Variants in MGAT4A observed in about 807,000 individuals in gnomAD.
MGAT4A encodes N-acetylglucosaminyltransferase IVa.
In MGAT4A, 33 loss-of-function variants were observed where a neutral mutation model predicts 74.1. That is an observed-to-expected ratio of 0.45 (90% CI 0.34 to 0.60). MGAT4A has a LOEUF of 0.60. Among genes scored for constraint, MGAT4A ranks in the 20% least tolerant of loss-of-function variants. MGAT4A has a pLI of 0.02. For synonymous variants in MGAT4A, 198 were observed against 210.4 expected (o/e 0.94, Z 0.51); for missense variants, 479 against 628.3 (o/e 0.76, Z 2.54).
chr2:98,634,681 A>G (rs1179222860), intron 14 of MGAT4A, among the ~76,000 whole-genome samples: 2 of 150,122 alleles, frequency 1.3e-5, no homozygotes, highest in Non-Finnish European at 3.0e-5. Flanking sequence ...GATTTGTGCT[A>G]ATGGACAGCA....
chr2:98,713,435 G>A (rs1325980338), intron 2 of MGAT4A, among the ~76,000 whole-genome samples: 5 of 150,178 alleles, frequency 3.3e-5, no homozygotes, highest in Non-Finnish European at 5.9e-5. Context: ...AAAAAATTAA[G>A]GCTAAATCTA....
At chr2:98,673,996 G>A (rs1164851977) in intron 4 of MGAT4A, among the ~76,000 whole-genome samples, 1 of 152,212 alleles carries the variant, frequency 6.6e-6, no homozygotes, top group African/African-American at 2.4e-5. Flanking sequence ...AGAAAGGAAA[G>A]ATGGAGTTTG....
intron 8 of MGAT4A, among the ~76,000 whole-genome samples, chr2:98,648,789 G>C (rs914869456): frequency 4.6e-5 from 7 of 151,000 alleles, no homozygotes; most frequent in Non-Finnish European, 7.4e-5. Flanking sequence ...CCTGCTCTTT[G>C]AAAGGCAGAG....
intron 2 of MGAT4A, among the ~76,000 whole-genome samples, chr2:98,684,392 C>T (rs1242247369): frequency 6.6e-6 from 1 of 152,120 alleles, no homozygotes; most frequent in Non-Finnish European, 1.5e-5. Flanking sequence ...TTACTGTAGA[C>T]AAAATCTAAC....
intron 2 of MGAT4A, among the ~76,000 whole-genome samples, chr2:98,724,547 A>C (rs1401435345): frequency 6.6e-6 from 1 of 152,264 alleles, no homozygotes; most frequent in African/African-American, 2.4e-5. Flanking sequence ...TATTCAGAGA[A>C]TGATGATCAA....
chr2:98,680,073 C>G (rs1391312319), intron 2 of MGAT4A, among the ~76,000 whole-genome samples: 1 of 138,832 alleles, frequency 7.2e-6, no homozygotes, highest in African/African-American at 2.6e-5. Flanking sequence ...CAGAGTCTCA[C>G]TCTGTCGCCC....
chr2:98,705,106 G>C (rs1400526340), intron 2 of MGAT4A, among the ~76,000 whole-genome samples: 1 of 152,110 alleles, frequency 6.6e-6, no homozygotes, highest in Non-Finnish European at 1.5e-5. Context: ...AGGGTTTATT[G>C]AGCTTCTAGA....
chr2:98,630,802 G>A (rs959383015), intron 14 of MGAT4A, among the ~76,000 whole-genome samples: 10 of 152,156 alleles, frequency 6.6e-5, no homozygotes, highest in Non-Finnish European at 1.5e-4. Flanking sequence ...GGTAGGAGAA[G>A]AAAAGGGAAG....
At chr2:98,669,114 T>C (rs62157995) in intron 4 of MGAT4A, among the ~76,000 whole-genome samples, 35,496 of 152,020 alleles carry the variant, frequency 0.23, 4,814 homozygotes, top group Non-Finnish European at 0.31. Context: ...GTTGGGAAGG[T>C]ATGATTGGTT....
chr2:98,634,767 G>A (rs1047020208), intron 14 of MGAT4A, among the ~76,000 whole-genome samples: 2 of 149,482 alleles, frequency 1.3e-5, no homozygotes, highest in African/African-American at 2.5e-5. Flanking sequence ...AAAAACTGGC[G>A]ATCAATAAAG....
chr2:98,715,784 A>G (rs1702584697), intron 2 of MGAT4A, among the ~76,000 whole-genome samples: 1 of 152,244 alleles, frequency 6.6e-6, no homozygotes, highest in Admixed American at 6.5e-5. Flanking sequence ...TTGAACTTAA[A>G]ATAAAAGTTT....
intron 10 of MGAT4A, among the ~76,000 whole-genome samples, chr2:98,641,499 C>CAAAAAAAAAAA (rs1205460540): frequency 1.6e-4 from 12 of 75,208 alleles, no homozygotes; most frequent in Admixed American, 3.5e-4. Flanking sequence ...ACTAAAAATA[C>CAAAAAAAAAAA]AAAAAAAAAA....
At chr2:98,647,304 C>CTT (rs10632260) in intron 8 of MGAT4A, among the ~76,000 whole-genome samples, 86,434 of 151,754 alleles carry the variant, frequency 0.57, 27,435 homozygotes, top group African/African-American at 0.85. Context: ...ATGTAATGTG[C>CTT]TCTTTTTTTA....
At chr2:98,651,189 T>A (rs970104197) in intron 8 of MGAT4A, among the ~76,000 whole-genome samples, 52 of 152,142 alleles carry the variant, frequency 3.4e-4, no homozygotes, top group African/African-American at 1.2e-3. Context: ...AAGTGAAAGG[T>A]CAATAAGCAG....
chr2:98,634,575 GA>G (rs1304962428), intron 14 of MGAT4A, among the ~76,000 whole-genome samples: 1 of 151,672 alleles, frequency 6.6e-6, no homozygotes, highest in Non-Finnish European at 1.5e-5. Context: ...AAGCCACAGC[GA>G]GATGCAGTCC....
chr2:98,703,342 G>A (rs1702377154), intron 2 of MGAT4A, among the ~76,000 whole-genome samples: 1 of 152,072 alleles, frequency 6.6e-6, no homozygotes, highest in Non-Finnish European at 1.5e-5. Context: ...AGAAATTATC[G>A]AGTCTGAAGA....
chr2:98,669,171 A>T (rs1013543675), intron 4 of MGAT4A, among the ~76,000 whole-genome samples: 6 of 152,082 alleles, frequency 3.9e-5, no homozygotes, highest in East Asian at 1.9e-4. Flanking sequence ...GGGCGGAATG[A>T]TATGGTTTGG....
intron 8 of MGAT4A, among the ~76,000 whole-genome samples, chr2:98,654,746 C>T (rs1701634633): frequency 6.6e-6 from 1 of 152,096 alleles, no homozygotes; most frequent in Admixed American, 6.5e-5. Flanking sequence ...AGATTCAATA[C>T]AATCCCTACC....
intron 1 of MGAT4A, among the ~76,000 whole-genome samples, chr2:98,729,270 G>A (rs907469845): frequency 3.8e-4 from 57 of 151,916 alleles, no homozygotes; most frequent in Non-Finnish European, 1.0e-4. Context: ...AAAAATATGC[G>A]TGTTTTACTC....
Sources: gnomAD v4.1 joint callset for allele counts (sites outside exome capture counted in the v4.1 genomes callset) on GRCh38, gnomAD v4.1.1 for gene constraint, MANE v1.5 for transcripts, NCBI Gene and HGNC (gene_info 2026-07-23, HGNC 2026-07-21) for gene names.